FOXO1: variants seen among roughly 807,000 people sequenced by gnomAD.
FOXO1 encodes forkhead box protein O1.
FOXO1 carries 6 observed loss-of-function variants against 44.1 expected under a neutral mutation model. The observed-to-expected ratio is 0.14, with a 90% CI of 0.07 to 0.27. FOXO1 has a LOEUF of 0.27. Among genes scored for constraint, FOXO1 ranks in the 10% least tolerant of loss-of-function variants. The probability of loss-of-function intolerance (pLI) is 1.00; values close to 1 mark genes in which losing one functional copy is unlikely to be tolerated. For missense variants in FOXO1, 737 were observed against 888.8 expected (o/e 0.83, Z 2.17); for synonymous variants, 380 against 362.7 (o/e 1.05, Z -0.54).
intron 1 of FOXO1, among the ~76,000 whole-genome samples, chr13:40,632,799 G>A (rs150949094): frequency 0.012 from 1,767 of 151,620 alleles, 14 homozygotes; most frequent in Non-Finnish European, 0.019. Context: ...AAAAAAATTA[G>A]CTGGGCATAG....
chr13:40,620,685 T>C (rs1311049951), intron 1 of FOXO1, among the ~76,000 whole-genome samples: 1 of 151,916 alleles, frequency 6.6e-6, no homozygotes, highest in East Asian at 1.9e-4. Flanking sequence ...CTGAAATGCA[T>C]GGTGTAAATG....
intron 1 of FOXO1, among the ~76,000 whole-genome samples, chr13:40,610,430 T>C (rs1876189154): frequency 6.6e-6 from 1 of 152,174 alleles, no homozygotes; most frequent in Admixed American, 6.5e-5. Context: ...AACATTGTAA[T>C]AAGCAGGTAA....
chr13:40,623,247 G>C (rs751964352), intron 1 of FOXO1, among the ~76,000 whole-genome samples: 7 of 152,102 alleles, frequency 4.6e-5, no homozygotes, highest in African/African-American at 7.2e-5. Flanking sequence ...CCTTGGTAAG[G>C]CTGCTCTATG....
intron 1 of FOXO1, among the ~76,000 whole-genome samples, chr13:40,598,013 C>T (rs1439530418): frequency 2.0e-5 from 3 of 152,074 alleles, no homozygotes; most frequent in Non-Finnish European, 4.4e-5. Flanking sequence ...ATCGGGCTCT[C>T]GTTTTCAATT....
chr13:40,572,926 T>A (rs1874595297), intron 1 of FOXO1, among the ~76,000 whole-genome samples: 1 of 152,208 alleles, frequency 6.6e-6, no homozygotes, highest in African/African-American at 2.4e-5. Context: ...TCCCTCAGCA[T>A]CACCAGAAGC....
chr13:40,612,614 G>A (rs1182054305), intron 1 of FOXO1, among the ~76,000 whole-genome samples: 1 of 152,188 alleles, frequency 6.6e-6, no homozygotes, highest in Non-Finnish European at 1.5e-5. Flanking sequence ...TTTGCTTGAT[G>A]TCAATTCCAT....
At position 40,560,113 on chromosome 13, in the gene FOXO1, C is replaced by T; in HGVS notation, c.1378G>A (p.Gly460Arg). 1 of 1,614,124 alleles carries T rather than the reference C, an allele frequency of 6.2e-7. No individual in the cohort carries two copies. The highest frequency in any genetic ancestry group is 8.5e-7 in the Non-Finnish European group (1 of 1,180,022). The change falls in exon 2 of 3, where the codon GGA becomes AGA. Residue 460 changes from glycine to arginine, a missense_variant. Gly to Arg is a moderately radical substitution (Grantham distance 125). Around this residue, in one of 7 missense-constraint regions of FOXO1, gnomAD observed 283 missense variants for 278.1 expected, o/e 1.02. Coordinates refer to ENST00000379561, the MANE Select transcript of FOXO1 (RefSeq NM_002015.4). The surrounding 1 kb of genome is among the most constrained non-coding windows in gnomAD (Gnocchi z 5.1). The stretch of plus-strand genomic sequence containing the variant: ...GAAGTCAGCAACTCCTTCAAGAGTC[C>T]AGGCGCACAGTTATACTGACTCATA... Reference protein sequence around the residue: ...GGMSQYNCAPGLLKELLTSDS... With the variant: ...GGMSQYNCAPRLLKELLTSDS...
Position 40,665,875 on chromosome 13 carries a change from G to A in FOXO1, c.338C>T (p.Pro113Leu), listed in dbSNP as rs1878222580. 1 of 1,137,510 alleles carries A rather than the reference G, an allele frequency of 8.8e-7. No individual in the cohort carries two copies. The allele number at this position is 1,137,510 out of a possible 1,614,324, so 70.5% of individuals were successfully genotyped here. Residue 113 changes from proline to leucine, a missense_variant, in exon 1 of 3, where the codon CCG (proline) becomes CTG (leucine). By Grantham distance (98) the Pro-to-Leu change is moderately conservative. This residue lies in a region of FOXO1 where 213 missense variants were observed against 236.4 expected (regional missense o/e 0.90). Transcript: ENST00000379561. ...TGGLCGDFQGPEAGCLHPAPP... is the reference protein window; with the variant it reads ...TGGLCGDFQGLEAGCLHPAPP... ...CGCTGGGTGCAGGCAGCCCGCCTCC[G>A]GGCCCTGGAAGTCCCCGCACAGCCC...
At position 40,636,830 on chromosome 13, in the gene FOXO1, A is replaced by G. The variant is rs1054012900; in HGVS notation, c.630+28753T>C. ...AATAATATTGTTTTAAAAGAAGGAAATAACAAGAAGCCTAGCACAATACCT... is the reference window on the plus strand; with the variant it reads ...AATAATATTGTTTTAAAAGAAGGAAGTAACAAGAAGCCTAGCACAATACCT... On this transcript the variant is annotated intron_variant, in intron 1 of 2. Coordinates refer to ENST00000379561, the MANE Select transcript of FOXO1 (RefSeq NM_002015.4). Among the ~76,000 whole-genome samples the G allele has an allele frequency of 9.2e-5, 14 of 152,224 alleles. 1 individual carries two copies. Among genetic ancestry groups the G allele is most frequent in the Admixed American group, 2.6e-4 (4 of 15,280 alleles).
At chr13:40,649,096 TAA>T (rs1201546039) in intron 1 of FOXO1, among the ~76,000 whole-genome samples, 1 of 152,182 alleles carries the variant, frequency 6.6e-6, no homozygotes, top group Non-Finnish European at 1.5e-5. Context: ...TAAGGTTTAA[TAA>T]AAGTCAATGT....
rs79698553 is a variant in FOXO1, at chr13:40,565,669, T to C, written c.631-4809A>G. ...CACCATAGGGGCACTCAAGTATCTGTTGAACAGATTAGTATTTCCTACATT... is the reference window on the plus strand; with the variant it reads ...CACCATAGGGGCACTCAAGTATCTGCTGAACAGATTAGTATTTCCTACATT... On this transcript the variant is annotated intron_variant, in intron 1 of 2. Transcript: ENST00000379561. Among the ~76,000 whole-genome samples, 150 of 152,350 alleles carry C rather than the reference T, an allele frequency of 9.8e-4. 4 individuals carry two copies. In the East Asian group the frequency reaches 0.019, roughly 20 times the overall value.
intron 1 of FOXO1, chr13:40,611,087 C>T (rs1188883236): frequency 2.2e-6 from 1 of 456,096 alleles, no homozygotes; most frequent in Non-Finnish European, 4.4e-6. Flanking sequence ...AATGCTTATT[C>T]AGTGGCATCA....
At chr13:40,619,065 C>T (rs1876518899) in intron 1 of FOXO1, 7 of 454,680 alleles carry the variant, frequency 1.5e-5, no homozygotes, top group South Asian at 8.5e-5. Flanking sequence ...GTGGGTGGAT[C>T]ACGAGGTCTG....
intron 1 of FOXO1, among the ~76,000 whole-genome samples, chr13:40,649,772 C>T (rs1446259538): frequency 6.6e-6 from 1 of 152,138 alleles, no homozygotes; most frequent in Non-Finnish European, 1.5e-5. Flanking sequence ...ATGAGAAATT[C>T]ACCATAAATT....
At chr13:40,590,248 A>C (rs891835382) in intron 1 of FOXO1, among the ~76,000 whole-genome samples, 2 of 152,222 alleles carry the variant, frequency 1.3e-5, no homozygotes, top group Admixed American at 6.5e-5. Flanking sequence ...AAGGAATTGG[A>C]TTAGACTAGT....
intron 1 of FOXO1, among the ~76,000 whole-genome samples, chr13:40,615,392 G>A (rs550951996): frequency 6.6e-5 from 10 of 152,142 alleles, no homozygotes; most frequent in Non-Finnish European, 1.2e-4. Flanking sequence ...CAATTTAACC[G>A]GGCATGGGGG....
chr13:40,651,611 T>C (rs1490319137), intron 1 of FOXO1, among the ~76,000 whole-genome samples: 1 of 152,024 alleles, frequency 6.6e-6, no homozygotes, highest in Non-Finnish European at 1.5e-5. Context: ...AATAGTGTTT[T>C]ATCATCATCA....
intron 1 of FOXO1, among the ~76,000 whole-genome samples, chr13:40,632,911 CAA>C (rs61652588): frequency 1.2e-4 from 8 of 64,056 alleles, no homozygotes; most frequent in Admixed American, 1.8e-4. Flanking sequence ...AACTCCATCT[CAA>C]AAAAAAAAAA....
rs139168226 is a variant in FOXO1, at chr13:40,637,399, G to A, written c.630+28184C>T. Among the ~76,000 whole-genome samples, 63 of 140,598 alleles carry A rather than the reference G, an allele frequency of 4.5e-4. 1 individual carries two copies. The South Asian group carries it at 6.7e-3, about 15-fold the overall frequency. The allele number at this position is 140,598 out of a possible 152,430, so 92.2% of individuals were successfully genotyped here. A position where few individuals can be genotyped will look rare whatever the true frequency, so the allele number is the denominator to read the frequency against. On this transcript the variant is annotated intron_variant, in intron 1 of 2. Transcript: ENST00000379561. ...GCGGAGGTTGCAGTGAGCCAAGATC[G>A]TGCCACTGCACTCCAGCCTGGGCAA...
Sources: gnomAD v4.1 joint callset for allele counts (sites outside exome capture counted in the v4.1 genomes callset) on GRCh38, gnomAD v4.1.1 for gene constraint, gnomAD v4.1.1 regional missense constraint, Gnocchi (gnomAD v3.1) non-coding constraint, MANE v1.5 for transcripts, NCBI Gene and HGNC (gene_info 2026-07-23, HGNC 2026-07-21) for gene names.